SH3KBP1: variants seen among roughly 807,000 people sequenced by gnomAD.
The protein encoded by SH3KBP1 is SH3 domain-containing kinase-binding protein 1.
Under a neutral mutation model 50.1 loss-of-function variants are expected in SH3KBP1, and 8 were observed. The ratio of observed to expected loss-of-function variants is 0.16; its 90% confidence interval spans 0.09 to 0.29. SH3KBP1 has a LOEUF of 0.29. Among genes scored for constraint, SH3KBP1 ranks in the 10% least tolerant of loss-of-function variants. SH3KBP1 has a pLI of 1.00. For missense variants in SH3KBP1, 377 were observed against 535.2 expected (o/e 0.70, Z 2.92); for synonymous variants, 227 against 218.6 (o/e 1.04, Z -0.34).
chrX:19,808,360 G>A (rs1216580397), intron 2 of SH3KBP1, among the ~76,000 whole-genome samples: 3 of 110,062 alleles, frequency 2.7e-5, no homozygotes, highest in African/African-American at 9.9e-5. Context: ...AGATGGAGTG[G>A]GGAAGGGGCT....
chrX:19,557,270 C>T (rs2065519394), intron 13 of SH3KBP1, among the ~76,000 whole-genome samples: 1 of 111,770 alleles, frequency 8.9e-6, no homozygotes, highest in Non-Finnish European at 1.9e-5. Flanking sequence ...GGAAAAGGGG[C>T]TGGCTTCTTC....
chrX:19,824,966 A>G (rs995105262), intron 2 of SH3KBP1, among the ~76,000 whole-genome samples: 9 of 112,265 alleles, frequency 8.0e-5, no homozygotes, highest in African/African-American at 2.9e-4. Context: ...AGTTTTAGAA[A>G]TTGTTTTTCT....
chrX:19,672,381 G>A (rs765738657), intron 6 of SH3KBP1, among the ~76,000 whole-genome samples: 6 of 111,820 alleles, frequency 5.4e-5, no homozygotes, highest in African/African-American at 1.9e-4. Context: ...GTCAAGTATG[G>A]AAAGAGGGAA....
At chrX:19,732,284 A>C (rs901032358) in intron 3 of SH3KBP1, among the ~76,000 whole-genome samples, 4 of 111,126 alleles carry the variant, frequency 3.6e-5, no homozygotes, top group African/African-American at 1.3e-4. Flanking sequence ...GAAATATACA[A>C]TATAACACTG....
chrX:19,610,422 C>T (rs989537277), intron 8 of SH3KBP1, among the ~76,000 whole-genome samples: 2 of 111,526 alleles, frequency 1.8e-5, no homozygotes, highest in Non-Finnish European at 3.8e-5. Flanking sequence ...ATTTCTTTGA[C>T]CCTAACTCTT....
chrX:19,700,452 T>C (rs1428361366), intron 4 of SH3KBP1, among the ~76,000 whole-genome samples: 8 of 112,020 alleles, frequency 7.1e-5, no homozygotes, highest in Non-Finnish European at 1.3e-4. Flanking sequence ...TCTATTAACA[T>C]AAAAAGCATT....
intron 6 of SH3KBP1, among the ~76,000 whole-genome samples, chrX:19,668,616 A>C (rs1259543795): frequency 9.4e-6 from 1 of 106,435 alleles, no homozygotes; most frequent in Non-Finnish European, 1.9e-5. Flanking sequence ...TTGGGAGGCC[A>C]AGGTAGGTGG....
At chrX:19,717,180 G>A (rs369760503) in intron 3 of SH3KBP1, among the ~76,000 whole-genome samples, 388 of 111,552 alleles carry the variant, frequency 3.5e-3, no homozygotes, top group African/African-American at 0.012. Context: ...ACAGACATAC[G>A]CCAAACAATT....
intron 2 of SH3KBP1, among the ~76,000 whole-genome samples, chrX:19,753,376 T>A (rs773944091): frequency 1.3e-4 from 14 of 111,899 alleles, no homozygotes; most frequent in African/African-American, 4.5e-4. Context: ...AGGAGATTTT[T>A]AAAAATCACT....
At chrX:19,633,646 A>C (rs1038126919) in intron 7 of SH3KBP1, among the ~76,000 whole-genome samples, 2 of 112,347 alleles carry the variant, frequency 1.8e-5, no homozygotes, top group African/African-American at 6.5e-5. Context: ...TTTAAGAATA[A>C]TTATTTGGAT....
chrX:19,545,328 T>C (rs945220664), intron 15 of SH3KBP1, among the ~76,000 whole-genome samples: 1 of 112,520 alleles, frequency 8.9e-6, no homozygotes, highest in Non-Finnish European at 1.9e-5. Context: ...AAAAGTTACA[T>C]GCAGTAGCTA....
At chrX:19,872,267 A>G (rs1403066937) in intron 1 of SH3KBP1, among the ~76,000 whole-genome samples, 1 of 103,770 alleles carries the variant, frequency 9.6e-6, no homozygotes, top group East Asian at 2.9e-4. Context: ...AAAAAAAAAA[A>G]AAAAAAGAAA....
At chrX:19,844,973 G>A (rs777599326) in intron 1 of SH3KBP1, among the ~76,000 whole-genome samples, 56 of 111,127 alleles carry the variant, frequency 5.0e-4, no homozygotes, top group South Asian at 1.9e-3. Context: ...CCAGCTACTC[G>A]GGAGGCTAAG....
At chrX:19,567,722 TAC>T (rs1471439896) in intron 13 of SH3KBP1, among the ~76,000 whole-genome samples, 2 of 105,355 alleles carry the variant, frequency 1.9e-5, no homozygotes, top group African/African-American at 7.0e-5. Flanking sequence ...GAGTAAAGGG[TAC>T]ACAGATTTCT....
At chrX:19,738,504 T>C (rs1275500011) in intron 3 of SH3KBP1, among the ~76,000 whole-genome samples, 4 of 109,013 alleles carry the variant, frequency 3.7e-5, no homozygotes, top group Non-Finnish European at 5.7e-5. Flanking sequence ...AAGCACCATA[T>C]ACAATGGTGC....
At chrX:19,639,537 C>A (rs1300442414) in intron 7 of SH3KBP1, among the ~76,000 whole-genome samples, 2 of 110,947 alleles carry the variant, frequency 1.8e-5, no homozygotes, top group African/African-American at 6.6e-5. Context: ...CTCAAGAGGA[C>A]TGTATTTGAA....
intron 13 of SH3KBP1, among the ~76,000 whole-genome samples, chrX:19,564,332 C>T (rs1427411198): frequency 4.5e-5 from 5 of 112,188 alleles, no homozygotes; most frequent in African/African-American, 1.3e-4. Flanking sequence ...CTCTCTCTTG[C>T]TCTCCTGTAT....
At chrX:19,681,170 C>A (rs982279831) in intron 6 of SH3KBP1, among the ~76,000 whole-genome samples, 1 of 111,911 alleles carries the variant, frequency 8.9e-6, no homozygotes, top group Non-Finnish European at 1.9e-5. Context: ...CAATAAGTTT[C>A]GATTTTGTAG....
intron 8 of SH3KBP1, among the ~76,000 whole-genome samples, chrX:19,620,090 C>T (rs2067760639): frequency 8.9e-6 from 1 of 112,383 alleles, no homozygotes; most frequent in Non-Finnish European, 1.9e-5. Context: ...CAAATACATG[C>T]TTTTCTTCCA....
Sources: allele counts gnomAD v4.1 joint callset (sites outside exome capture counted in the v4.1 genomes callset), GRCh38; gene constraint gnomAD v4.1.1; transcripts MANE v1.5; gene names NCBI Gene and HGNC (gene_info 2026-07-23, HGNC 2026-07-21).